The following RBFOX1 variants were observed in gnomAD, a reference collection of about 807,000 sequenced individuals.
The protein encoded by RBFOX1 is RNA binding fox-1 homolog 1, also known as RNA binding protein fox-1 homolog 1.
In RBFOX1, 8 loss-of-function variants were observed where a neutral mutation model predicts 57.7. The observed-to-expected ratio is 0.14, with a 90% confidence interval of 0.08 to 0.25. The LOEUF (loss-of-function observed/expected upper bound fraction) is 0.25. Among genes scored for constraint, RBFOX1 ranks in the 10% least tolerant of loss-of-function variants. The pLI is 1.00. For synonymous variants in RBFOX1, 326 were observed against 222.4 expected, an observed-to-expected ratio of 1.47 and a Z score of -4.15; for missense variants, 611 against 548.5, an observed-to-expected ratio of 1.11 and a Z score of -1.14.
chr16:6,588,433 G>A (rs542546013), intron 2 of RBFOX1, among the ~76,000 whole-genome samples: 32 of 151,454 alleles, frequency 2.1e-4, no homozygotes, highest in Non-Finnish European at 4.0e-4. Context: ...CAGGTGGATC[G>A]TCTGAGGTCA....
At chr16:5,408,672 G>A (rs1213082455) in intron 1 of RBFOX1, among the ~76,000 whole-genome samples, 1 of 152,240 alleles carries the variant, frequency 6.6e-6, no homozygotes, top group Non-Finnish European at 1.5e-5. Flanking sequence ...ATTGGCTCAT[G>A]GTTCTGCAGG....
intron 3 of RBFOX1, among the ~76,000 whole-genome samples, chr16:6,931,869 G>A (rs576776623): frequency 2.4e-4 from 37 of 152,282 alleles, no homozygotes; most frequent in Admixed American, 2.0e-3. Context: ...TGACGAGGGC[G>A]TGGTATAAGG....
chr16:7,447,124 T>C (rs1057336441), intron 4 of RBFOX1, among the ~76,000 whole-genome samples: 2 of 152,054 alleles, frequency 1.3e-5, no homozygotes, highest in Admixed American at 6.5e-5. Context: ...AAGGTAGGTC[T>C]GGGTTTTATG....
intron 4 of RBFOX1, among the ~76,000 whole-genome samples, chr16:7,330,510 T>TG (rs1568240374): frequency 0.024 from 1,347 of 57,086 alleles, 47 homozygotes; most frequent in African/African-American, 0.063. Context: ...GTGTGTGTGT[T>TG]TGTGTGTGTG....
At chr16:7,705,159 C>G (rs1231791426) in intron 14 of RBFOX1, among the ~76,000 whole-genome samples, 1 of 151,892 alleles carries the variant, frequency 6.6e-6, no homozygotes, top group Non-Finnish European at 1.5e-5. Flanking sequence ...GGAGGGTGAG[C>G]AAGTGCCAAG....
chr16:6,756,575 T>C (rs2075819193), intron 3 of RBFOX1, among the ~76,000 whole-genome samples: 1 of 152,132 alleles, frequency 6.6e-6, no homozygotes, highest in African/African-American at 2.4e-5. Context: ...AGTCAACTCA[T>C]ATCCAGAATA....
intron 4 of RBFOX1, among the ~76,000 whole-genome samples, chr16:7,175,225 G>C (rs148720440): frequency 6.6e-6 from 1 of 151,808 alleles, no homozygotes; most frequent in South Asian, 2.1e-4. Flanking sequence ...ATAGGCCCCA[G>C]TGTGTGTTGT....
intron 2 of RBFOX1, among the ~76,000 whole-genome samples, chr16:6,548,915 A>C (rs552268457): frequency 6.6e-6 from 1 of 151,392 alleles, no homozygotes; most frequent in Non-Finnish European, 1.5e-5. Context: ...ATCTCTACTA[A>C]AAGTACAAAA....
chr16:6,016,104 T>G (rs954962888), upstream of RBFOX1, among the ~76,000 whole-genome samples: 1 of 152,252 alleles, frequency 6.6e-6, no homozygotes, highest in Admixed American at 6.5e-5. Flanking sequence ...GAGCTTATTA[T>G]GTGGCTGGTG....
intron 4 of RBFOX1, among the ~76,000 whole-genome samples, chr16:5,990,104 G>T (rs911425051): frequency 6.6e-6 from 1 of 152,160 alleles, no homozygotes; most frequent in Non-Finnish European, 1.5e-5. Context: ...TTGCTCCTCA[G>T]CCTCTGGAGT....
At chr16:6,722,429 TG>T (rs2066203212) in intron 3 of RBFOX1, among the ~76,000 whole-genome samples, 1 of 152,206 alleles carries the variant, frequency 6.6e-6, no homozygotes, top group Non-Finnish European at 1.5e-5. Context: ...GCAGAGCAGC[TG>T]GAAACATCTC....
chr16:7,635,531 C>T (rs772634819), intron 11 of RBFOX1, among the ~76,000 whole-genome samples: 2 of 151,402 alleles, frequency 1.3e-5, no homozygotes, highest in African/African-American at 2.4e-5. Flanking sequence ...ACATTTTCTC[C>T]GTGGTTATTC....
At chr16:6,750,000 C>G (rs1259410133) in intron 3 of RBFOX1, among the ~76,000 whole-genome samples, 1 of 152,076 alleles carries the variant, frequency 6.6e-6, no homozygotes, top group Non-Finnish European at 1.5e-5. Context: ...ATGAATTTTT[C>G]TGTCTAGCAG....
chr16:6,186,478 C>T (rs906991708), intron 1 of RBFOX1, among the ~76,000 whole-genome samples: 1 of 152,022 alleles, frequency 6.6e-6, no homozygotes, highest in Non-Finnish European at 1.5e-5. Flanking sequence ...AGAGAGTAGA[C>T]TGCAGAAACA....
At chr16:6,895,945 T>C (rs748975418) in intron 3 of RBFOX1, among the ~76,000 whole-genome samples, 4 of 152,126 alleles carry the variant, frequency 2.6e-5, no homozygotes, top group Non-Finnish European at 5.9e-5. Context: ...GGTATATATA[T>C]ATATTTGTGG....
At position 7,034,848 on chromosome 16, in the gene RBFOX1, C is replaced by CTTTTTTTTTTTTTTTTT; in HGVS notation, c.-15-17207_-15-17191dup. Among the ~76,000 whole-genome samples, 98 of 30,816 alleles carry CTTTTTTTTTTTTTTTTT rather than the reference C, an allele frequency of 3.2e-3. 2 individuals are homozygous for CTTTTTTTTTTTTTTTTT. Among genetic ancestry groups the CTTTTTTTTTTTTTTTTT allele is most frequent in the African/African-American group, 8.5e-3 (49 of 5,744 alleles). The allele number at this position is 30,816 out of a possible 152,430, so 20.2% of individuals were successfully genotyped here. On this transcript the variant is annotated intron_variant, in intron 3 of 15. Coordinates refer to ENST00000550418, the MANE Select transcript of RBFOX1 (RefSeq NM_018723.4). The stretch of plus-strand genomic sequence containing the variant: ...ATTACTTTTTTTTTTTTTCTTTTTT[C>CTTTTTTTTTTTTTTTTT]TTTTTTTTTTTTTTTTTTGAGATGG...
At chr16:6,807,789 C>G (rs1222740847) in intron 3 of RBFOX1, among the ~76,000 whole-genome samples, 5 of 151,812 alleles carry the variant, frequency 3.3e-5, no homozygotes, top group African/African-American at 4.8e-5. Flanking sequence ...GTACTCCAGC[C>G]TGGTGACAGA....
At chr16:7,482,465 T>C (rs1951392797) in intron 4 of RBFOX1, among the ~76,000 whole-genome samples, 2 of 132,564 alleles carry the variant, frequency 1.5e-5, no homozygotes, top group African/African-American at 3.2e-5. Flanking sequence ...TTCCATTTCA[T>C]CCCAGTTGTT....
chr16:7,636,766 G>A (rs537928869), intron 11 of RBFOX1, among the ~76,000 whole-genome samples: 8 of 152,218 alleles, frequency 5.3e-5, no homozygotes, highest in South Asian at 2.1e-4. Flanking sequence ...GTTAGGTTCC[G>A]GTGAGGGCTT....
Sources: allele counts gnomAD v4.1 joint callset (sites outside exome capture counted in the v4.1 genomes callset), GRCh38; gene constraint gnomAD v4.1.1; transcripts MANE v1.5; gene names NCBI Gene and HGNC (gene_info 2026-07-23, HGNC 2026-07-21).